APLF: variants seen among roughly 807,000 people sequenced by gnomAD.
The protein encoded by APLF is aprataxin and PNK-like factor.
A neutral mutation model predicts 55.6 loss-of-function variants in APLF; 61 were observed. The ratio of observed to expected loss-of-function variants is 1.10; its 90% CI spans 0.89 to 1.36. The LOEUF (loss-of-function observed/expected upper bound fraction) is 1.36, where lower values mean the gene tolerates loss of function less well. APLF is among the 40% of genes most tolerant of loss of function. The probability of loss-of-function intolerance (pLI) is 0.00; values close to 1 mark genes in which losing one functional copy is unlikely to be tolerated. For synonymous variants in APLF, 207 were observed against 214.8 expected (o/e 0.96, Z 0.32); for missense variants, 611 against 602.5 (o/e 1.01, Z -0.15).
chr2:68,474,808 A>G (rs1482246654), intron 1 of APLF, among the ~76,000 whole-genome samples: 2 of 152,270 alleles, frequency 1.3e-5, no homozygotes, highest in East Asian at 3.9e-4. Flanking sequence ...AGCTGGAATT[A>G]TAGGCATGTG....
intron 1 of APLF, among the ~76,000 whole-genome samples, chr2:68,473,230 C>T (rs957372836): frequency 1.3e-5 from 2 of 152,192 alleles, no homozygotes; most frequent in Admixed American, 6.5e-5. Context: ...TTACTTTCTC[C>T]ATGGTTTTGC....
In APLF at chr2:68,578,998, T is replaced by C; in HGVS notation, c.*976T>C. 2.0e-6 allele frequency: 2 copies of C among 984,990 alleles called. No homozygotes were observed. Among genetic ancestry groups the C allele is most frequent in the Non-Finnish European group, 2.4e-6 (2 of 829,588 alleles). 61.0% of individuals were successfully genotyped at this position (984,990 alleles called of 1,614,324 possible). A position where few individuals can be genotyped will look rare whatever the true frequency, so the allele number is the denominator to read the frequency against. On this transcript the variant is annotated 3_prime_UTR_variant, in exon 10 of 10. Transcript: ENST00000303795. ...GCTCTTCATATTACGTGACTTTGAA[T>C]TGTTAAAATGTAGTTTAGAATCTTT...
intron 8 of APLF, among the ~76,000 whole-genome samples, chr2:68,548,592 C>T (rs1481884759): frequency 6.6e-6 from 1 of 151,900 alleles, no homozygotes; most frequent in Admixed American, 6.6e-5. Context: ...TCCAAAGAAT[C>T]ATCAAATGCC....
intron 3 of APLF, among the ~76,000 whole-genome samples, chr2:68,509,212 T>C (rs1676967835): frequency 6.6e-6 from 1 of 152,002 alleles, no homozygotes; most frequent in Admixed American, 6.6e-5. Context: ...AAAGCCAAAA[T>C]TGACAAATGG....
At chr2:68,493,227 T>G (rs1676425019) in intron 2 of APLF, among the ~76,000 whole-genome samples, 1 of 152,190 alleles carries the variant, frequency 6.6e-6, no homozygotes, top group African/African-American at 2.4e-5. Context: ...AGATTTGGAC[T>G]TATGTATGTG....
At chr2:68,538,706 T>C (rs1211759113) in intron 7 of APLF, among the ~76,000 whole-genome samples, 1 of 152,224 alleles carries the variant, frequency 6.6e-6, no homozygotes, top group East Asian at 1.9e-4. Context: ...GGGTTGCTCC[T>C]ATACTTGCTT....
At chr2:68,534,549 T>G (rs1670337822) in intron 6 of APLF, among the ~76,000 whole-genome samples, 1 of 152,074 alleles carries the variant, frequency 6.6e-6, no homozygotes, top group South Asian at 2.1e-4. Flanking sequence ...AACCGGCTAT[T>G]TTAATAGCCT....
At chr2:68,467,873 C>T (rs1675479711) in intron 1 of APLF, 46 bp downstream of exon 1, 2 of 1,217,348 alleles carry the variant, frequency 1.6e-6, no homozygotes, top group African/African-American at 1.6e-5. Flanking sequence ...CCGTGGAGTT[C>T]CGCGCCGGCT....
chr2:68,483,488 G>A (rs1196511313), intron 1 of APLF, among the ~76,000 whole-genome samples: 3 of 152,168 alleles, frequency 2.0e-5, no homozygotes, highest in Non-Finnish European at 4.4e-5. Context: ...CTTTCCCTCA[G>A]ACAATCCAGT....
At chr2:68,537,187 A>G (rs1373563849) in intron 6 of APLF, among the ~76,000 whole-genome samples, 1 of 151,816 alleles carries the variant, frequency 6.6e-6, no homozygotes, top group East Asian at 1.9e-4. Flanking sequence ...AAGAGAAATT[A>G]TAAGGACCGT....
chr2:68,530,051 A>C (rs928424583), intron 6 of APLF, among the ~76,000 whole-genome samples: 1 of 152,116 alleles, frequency 6.6e-6, no homozygotes, highest in Non-Finnish European at 1.5e-5. Context: ...CCCTGACCTG[A>C]CTGGATGCAC....
At chr2:68,478,499 G>T (rs1343766730) in intron 1 of APLF, among the ~76,000 whole-genome samples, 1 of 152,196 alleles carries the variant, frequency 6.6e-6, no homozygotes, top group East Asian at 1.9e-4. Flanking sequence ...AAAGCAAAGG[G>T]AGGGTAAAAG....
chr2:68,538,088 C>T lies in APLF; in HGVS notation c.1021C>T (p.Gln341Ter). 6.8e-6 allele frequency: 11 copies of T among 1,614,034 alleles called. No homozygotes were observed. The highest frequency in any genetic ancestry group is 9.3e-6 in the Non-Finnish European group (11 of 1,179,954). Residue 341 changes from glutamine (Q) to a stop codon, truncating the protein, a stop_gained, in exon 7 of 10, where the codon CAA becomes TAA. Transcript: ENST00000303795. LOFTEE classifies it high-confidence loss of function. ...GGGCGACTCACTTCAGGATGAGTCT[C>T]AAGGGTCTCATTCTGAGTCCAGCTC... ...AQGDSLQDES[Q>*]GSHSESSSNP...
intron 5 of APLF, among the ~76,000 whole-genome samples, chr2:68,518,426 T>TTATTATATAATATATAATAATA (rs1558539457): frequency 1.0e-3 from 114 of 112,126 alleles, no homozygotes; most frequent in African/African-American, 3.8e-3. Context: ...ATATAATAAT[T>TTATTATATAATATATAATAATA]TATTATATAA....
chr2:68,564,919 C>A (rs988575850), intron 8 of APLF, among the ~76,000 whole-genome samples: 15 of 151,974 alleles, frequency 9.9e-5, no homozygotes, highest in South Asian at 2.1e-4. Flanking sequence ...AAACTGTTGT[C>A]CAATATGATA....
At chr2:68,528,982 C>G in intron 6 of APLF, 9 of 1,523,450 alleles carry the variant, frequency 5.9e-6, no homozygotes, top group Non-Finnish European at 7.9e-6. Flanking sequence ...GGTCTTTCAC[C>G]TCCGTTGCTT....
At chr2:68,563,988 T>C (rs1370384985) in intron 8 of APLF, among the ~76,000 whole-genome samples, 4 of 152,072 alleles carry the variant, frequency 2.6e-5, no homozygotes, top group African/African-American at 4.8e-5. Flanking sequence ...AGGTATGAAA[T>C]TTTTTCAAAA....
In APLF at chr2:68,502,847, A is replaced by G; in HGVS notation, c.285A>G (p.Lys95=). Residue 95 remains lysine, a synonymous_variant, in exon 3 of 10, where the codon AAA becomes AAG. Transcript: ENST00000303795. The part of the protein sequence containing the change: ...PGDSFSLLVD[K]YIFRILSIPS... ...ACAGCTTTTCTTTGTTAGTTGACAA[A>G]TACATTTTCCGCATTCTCTCTATAC... is the stretch of plus-strand genomic sequence containing the variant. 1 of 1,607,026 alleles carries G rather than the reference A, an allele frequency of 6.2e-7. No individual in the cohort carries two copies. The highest frequency in any genetic ancestry group is 1.7e-4 in the Middle Eastern group (1 of 6,040).
intron 9 of APLF, among the ~76,000 whole-genome samples, chr2:68,570,403 A>G (rs1023819114): frequency 6.6e-6 from 1 of 151,422 alleles, no homozygotes; most frequent in African/African-American, 2.4e-5. Flanking sequence ...TTACCTCATC[A>G]TTTACATTAG....
Sources: gnomAD v4.1 joint callset for allele counts (sites outside exome capture counted in the v4.1 genomes callset) on GRCh38, gnomAD v4.1.1 for gene constraint, MANE v1.5 for transcripts, NCBI Gene and HGNC (gene_info 2026-07-23, HGNC 2026-07-21) for gene names.